Variants in BCORL1 observed in about 807,000 individuals in gnomAD.
BCORL1 encodes the protein BCL-6 corepressor-like protein 1.
Under a neutral mutation model 87.6 loss-of-function variants are expected in BCORL1, and 7 were observed. That is an observed-to-expected ratio of 0.08 (90% CI 0.05 to 0.15). The LOEUF (loss-of-function observed/expected upper bound fraction) is 0.15. Ranked by LOEUF, BCORL1 falls within the 10% of genes least tolerant of loss-of-function variation. The probability of loss-of-function intolerance (pLI) is 1.00; values close to 1 mark genes in which losing one functional copy is unlikely to be tolerated. For synonymous variants in BCORL1, 591 were observed against 634.4 expected, an observed-to-expected ratio of 0.93 and a Z score of 1.03; for missense variants, 1,215 against 1,499.7, an observed-to-expected ratio of 0.81 and a Z score of 3.13.
At chrX:130,006,568 C>T (rs990997152) in intron 2 of BCORL1, among the ~76,000 whole-genome samples, 2 of 110,707 alleles carry the variant, frequency 1.8e-5, no homozygotes, top group Non-Finnish European at 3.8e-5. Context: ...ACCATGTTAG[C>T]CAGGATGGTC....
intron 11 of BCORL1, among the ~76,000 whole-genome samples, chrX:130,043,620 G>A: frequency 9.5e-6 from 1 of 104,996 alleles, no homozygotes; most frequent in Non-Finnish European, 2.0e-5. Flanking sequence ...CTGTCGCCAG[G>A]CTGGAGTGCA....
chrX:130,023,056 C>A, intron 6 of BCORL1, 79 bp downstream of exon 6: 1 of 888,669 alleles, frequency 1.1e-6, no homozygotes, highest in Non-Finnish European at 1.7e-6. Flanking sequence ...GCAGTTTTAC[C>A]ATGGGCCCAG....
chrX:130,045,161 A>G (rs910118972), intron 11 of BCORL1, among the ~76,000 whole-genome samples: 11 of 112,259 alleles, frequency 9.8e-5, no homozygotes, highest in Non-Finnish European at 2.1e-4. Context: ...GCCAAATTAC[A>G]GGCAGGTATG....
chrX:130,037,974 G>C (rs1030101988), intron 10 of BCORL1, among the ~76,000 whole-genome samples: 22 of 112,251 alleles, frequency 2.0e-4, no homozygotes, highest in Admixed American at 1.4e-3. Context: ...GAGAGGCCTT[G>C]ACAGGAGGAG....
rs1382640581 is a variant in BCORL1, at chrX:130,057,869, T to C, written c.*1733T>C. 9.3e-6 allele frequency: 1 copy of C among 107,078 alleles called. No homozygotes were observed. Among genetic ancestry groups the C allele is most frequent in the Non-Finnish European group, 1.9e-5 (1 of 52,021 alleles). 8.8% of individuals were successfully genotyped at this position (107,078 alleles called of 1,213,427 possible). On this transcript the variant is annotated 3_prime_UTR_variant, in exon 14 of 14. Transcript: ENST00000540052. ...TCCCTTTTTAAGAAAAAAAAATACA[T>C]ATATATATACATATATATATATAAA...
At chrX:130,038,291 T>A (rs945673648) in intron 10 of BCORL1, among the ~76,000 whole-genome samples, 8 of 111,695 alleles carry the variant, frequency 7.2e-5, no homozygotes, top group African/African-American at 2.6e-4. Flanking sequence ...TTAGAGAAAT[T>A]GTACCCATTC....
At chrX:129,997,881 T>C (rs1349722373) in intron 1 of BCORL1, among the ~76,000 whole-genome samples, 1 of 106,890 alleles carries the variant, frequency 9.4e-6, no homozygotes, top group Non-Finnish European at 1.9e-5. Context: ...GTGGTGATTG[T>C]CTCTGGCTAC....
upstream of BCORL1, among the ~76,000 whole-genome samples, chrX:129,980,640 A>G (rs1361695320): frequency 1.8e-5 from 2 of 111,405 alleles, no homozygotes; most frequent in African/African-American, 6.5e-5. Flanking sequence ...GCACCCAGGC[A>G]AGGGCGGGGT....
Position 130,013,527 on chromosome X carries a change from T to C in BCORL1, c.755T>C (p.Leu252Ser), listed in dbSNP as rs1395053909. 1.7e-6 allele frequency: 2 copies of C among 1,208,742 alleles called. No individual in the cohort carries two copies. The highest frequency in any genetic ancestry group is 3.0e-5 in the East Asian group (1 of 33,731). ...TCGGTTCCAGCTCCTTCCCCTCCCT[T>C]AGCACCTGTCCCGGCTCTGGCTCCA... ...ATSVPAPSPP[L>S]APVPALAPAP... The change falls in exon 4 of 14, where the codon TTA (leucine) becomes TCA (serine). Residue 252 changes from leucine (L) to serine (S), a missense_variant. Leu to Ser is a moderately radical substitution (Grantham distance 145, BLOSUM62 -2). This residue lies in a region of BCORL1 where 861 missense variants were observed against 1,010.0 expected (regional missense o/e 0.85). Coordinates refer to ENST00000540052, the MANE Select transcript of BCORL1 (RefSeq NM_001379451.1).
intron 1 of BCORL1, among the ~76,000 whole-genome samples, chrX:129,985,565 G>A (rs889077807): frequency 3.6e-5 from 4 of 112,000 alleles, no homozygotes; most frequent in Non-Finnish European, 7.5e-5. Context: ...CGATGGAGGC[G>A]AAAAGTTAGT....
chrX:129,997,851 G>C (rs1205912482), intron 1 of BCORL1, among the ~76,000 whole-genome samples: 3 of 102,995 alleles, frequency 2.9e-5, no homozygotes, highest in Non-Finnish European at 5.9e-5. Context: ...TTTTCTTTTT[G>C]GTTTCCCCTG....
In BCORL1 at chrX:130,015,593, G is replaced by T; in HGVS notation, c.2821G>T (p.Gly941Cys). ...CCTGGCACTGTCTGTTCAGCCTAGC[G>T]GTGGGGACATTCGAATGAATCAGGG... ...GTLALSVQPS[G>C]GDIRMNQGPE... Residue 941 changes from glycine to cysteine, a missense_variant, in exon 4 of 14, where the codon GGT becomes TGT. Around this residue, in one of 5 missense-constraint regions of BCORL1, gnomAD observed 861 missense variants for 1,010.0 expected, o/e 0.85. Coordinates refer to ENST00000540052, the MANE Select transcript of BCORL1 (RefSeq NM_001379451.1). The T allele has an allele frequency of 8.2e-7, 1 of 1,212,221 alleles. No homozygotes were observed. The highest frequency in any genetic ancestry group is 1.1e-6 in the Non-Finnish European group (1 of 895,634).
At chrX:129,999,296 T>C (rs758122867) in intron 1 of BCORL1, among the ~76,000 whole-genome samples, 1 of 89,499 alleles carries the variant, frequency 1.1e-5, no homozygotes, top group African/African-American at 4.4e-5. Context: ...TTGAAACACA[T>C]CTTTTTTTTT....
intron 2 of BCORL1, among the ~76,000 whole-genome samples, chrX:130,010,877 A>G (rs1370809314): frequency 9.3e-6 from 1 of 107,669 alleles, no homozygotes; most frequent in Non-Finnish European, 1.9e-5. Context: ...GCATGCCTAT[A>G]ATTCTGGCTA....
rs371566085 is a variant in BCORL1 at position 130,015,425 on chromosome X, C to T, written c.2653C>T (p.Pro885Ser). The change falls in exon 4 of 14, where the codon CCT becomes TCT. Residue 885 changes from proline to serine, a missense_variant. Coordinates refer to ENST00000540052, the MANE Select transcript of BCORL1 (RefSeq NM_001379451.1). ...LSSSEAVHGLPEGQPRPGGSF... is the reference protein window; with the variant it reads ...LSSSEAVHGLSEGQPRPGGSF... ...CTCCAGCGAAGCCGTGCACGGACTT[C>T]CTGAGGGGCAACCACGGCCTGGGGG... is the stretch of plus-strand genomic sequence containing the variant. 25 of 1,211,074 alleles carry T rather than the reference C, an allele frequency of 2.1e-5. No individual in the cohort carries two copies. Among genetic ancestry groups the T allele is most frequent in the Non-Finnish European group, 2.8e-5 (25 of 895,462 alleles).
upstream of BCORL1, among the ~76,000 whole-genome samples, chrX:129,980,837 G>A (rs1926046129): frequency 9.3e-6 from 1 of 107,686 alleles, no homozygotes; most frequent in Admixed American, 9.6e-5. Context: ...GGCACTTGCT[G>A]GGCTCTGGAC....
At position 130,013,814 on chromosome X, in the gene BCORL1, G is replaced by T. The variant is rs1205916720; in HGVS notation, c.1042G>T (p.Ala348Ser). 1.7e-6 allele frequency: 2 copies of T among 1,168,694 alleles called. No homozygotes were observed. Among genetic ancestry groups the T allele is most frequent in the African/African-American group, 3.6e-5 (2 of 56,149 alleles). Reference sequence around the variant, plus strand: ...TCCCATGCCAGCATCCACGCCTCCAGCGGCCCCTGCCCCTCCGTCTGTGCC... The same window carrying T: ...TCCCATGCCAGCATCCACGCCTCCATCGGCCCCTGCCCCTCCGTCTGTGCC... ...LAPMPASTPP[A>S]APAPPSVPMP... is the part of the protein sequence containing the mutation. The change falls in exon 4 of 14, where the codon GCG becomes TCG. Residue 348 changes from alanine (A) to serine (S), a missense_variant. By Grantham distance (99) the Ala-to-Ser change is moderately conservative. Coordinates refer to ENST00000540052, the MANE Select transcript of BCORL1 (RefSeq NM_001379451.1).
Position 130,015,534 on chromosome X carries a change from C to T in BCORL1, c.2762C>T (p.Pro921Leu). 8.2e-7 allele frequency: 1 copy of T among 1,212,395 alleles called. No individual in the cohort carries two copies. Among genetic ancestry groups the T allele is most frequent in the Non-Finnish European group, 1.1e-6 (1 of 895,621 alleles). ...AAKPYEEQVN[P>L]VLLTLSPQTG... ...AAGCCTTATGAAGAACAAGTCAATCCTGTCCTCTTGACCCTCAGCCCTCAG... is the reference window on the plus strand; with the variant it reads ...AAGCCTTATGAAGAACAAGTCAATCTTGTCCTCTTGACCCTCAGCCCTCAG... The change falls in exon 4 of 14, where the codon CCT becomes CTT. Residue 921 changes from proline (P) to leucine (L), a missense_variant. Around this residue, in one of 5 missense-constraint regions of BCORL1, gnomAD observed 861 missense variants for 1,010.0 expected, o/e 0.85. Coordinates refer to ENST00000540052, the MANE Select transcript of BCORL1 (RefSeq NM_001379451.1).
At chrX:130,036,427 A>G (rs562202423) in intron 9 of BCORL1, among the ~76,000 whole-genome samples, 82 of 110,900 alleles carry the variant, frequency 7.4e-4, no homozygotes, top group African/African-American at 2.5e-3. Flanking sequence ...CACTGGGCTA[A>G]TTTTTGTATT....
Sources: gnomAD v4.1 joint callset for allele counts (sites outside exome capture counted in the v4.1 genomes callset) on GRCh38, gnomAD v4.1.1 for gene constraint, gnomAD v4.1.1 regional missense constraint, MANE v1.5 for transcripts, NCBI Gene and HGNC (gene_info 2026-07-23, HGNC 2026-07-21) for gene names.